CDH4: variants seen among roughly 807,000 people sequenced by gnomAD.
CDH4 encodes the protein cadherin 4.
In CDH4, 33 loss-of-function variants were observed where a neutral mutation model predicts 86.0. The ratio of observed to expected loss-of-function variants is 0.38; its 90% CI spans 0.29 to 0.51. The LOEUF is 0.51. Among genes scored for constraint, CDH4 ranks in the 20% least tolerant of loss-of-function variants. CDH4 has a pLI of 0.86. For missense variants in CDH4, 1,114 were observed against 1,307.4 expected, an observed-to-expected ratio of 0.85 and a Z score of 2.28; for synonymous variants, 555 against 549.4, an observed-to-expected ratio of 1.01 and a Z score of -0.14.
chr20:61,335,210 G>A (rs550359288), intron 2 of CDH4, among the ~76,000 whole-genome samples: 2 of 152,342 alleles, frequency 1.3e-5, no homozygotes, highest in African/African-American at 4.8e-5. Context: ...TGAATGTGCA[G>A]GGGCCAAGCC....
intron 2 of CDH4, among the ~76,000 whole-genome samples, chr20:61,452,656 C>T (rs773879541): frequency 1.5e-4 from 23 of 152,166 alleles, no homozygotes; most frequent in Non-Finnish European, 3.1e-4. Flanking sequence ...TTTCCCACAC[C>T]GTACAGAAGT....
intron 2 of CDH4, among the ~76,000 whole-genome samples, chr20:61,656,122 G>A (rs972094186): frequency 2.0e-4 from 30 of 152,308 alleles, no homozygotes; most frequent in African/African-American, 6.5e-4. Flanking sequence ...GGCTGGAGAC[G>A]AACCACCCAC....
At chr20:61,707,165 G>A (rs1466155562) in intron 2 of CDH4, among the ~76,000 whole-genome samples, 1 of 152,268 alleles carries the variant, frequency 6.6e-6, no homozygotes, top group Non-Finnish European at 1.5e-5. Flanking sequence ...GCATGGCGGG[G>A]ATGCCAGCCC....
At chr20:61,673,518 G>T (rs2087412960) in intron 2 of CDH4, among the ~76,000 whole-genome samples, 1 of 152,224 alleles carries the variant, frequency 6.6e-6, no homozygotes, top group Non-Finnish European at 1.5e-5. Flanking sequence ...CACCTTAGAT[G>T]AAATGTCAGG....
Position 61,890,068 on chromosome 20 carries a change from G to C in CDH4, c.1051-4842G>C, listed in dbSNP as rs535182185. On this transcript the variant is annotated intron_variant, in intron 7 of 15. Transcript: ENST00000614565. ...GATGATGGATGGATAGATGATGGAT[G>C]CATGGGTGGATGGATGGATGGATGG... Among the ~76,000 whole-genome samples, 275 of 145,128 alleles carry C rather than the reference G, an allele frequency of 1.9e-3. 1 individual carries two copies. Among genetic ancestry groups the C allele is most frequent in the Non-Finnish European group, 3.0e-3 (198 of 67,036 alleles).
chr20:61,633,500 G>T (rs2086915391), intron 2 of CDH4, among the ~76,000 whole-genome samples: 1 of 151,922 alleles, frequency 6.6e-6, no homozygotes. Flanking sequence ...CCATGCATCT[G>T]TCTATCCTTC....
chr20:61,574,972 T>C (rs374013929), intron 2 of CDH4, among the ~76,000 whole-genome samples: 2 of 152,140 alleles, frequency 1.3e-5, no homozygotes, highest in East Asian at 3.9e-4. Context: ...GATAAACTCA[T>C]GAAGAGTGCT....
intron 4 of CDH4, among the ~76,000 whole-genome samples, chr20:61,844,234 A>G (rs986098246): frequency 1.3e-4 from 20 of 152,104 alleles, no homozygotes; most frequent in Admixed American, 2.0e-4. Context: ...CCATCATTCA[A>G]TTGTTTTCTA....
intron 2 of CDH4, among the ~76,000 whole-genome samples, chr20:61,705,854 T>A (rs1355856191): frequency 2.6e-5 from 4 of 152,146 alleles, no homozygotes; most frequent in Non-Finnish European, 5.9e-5. Context: ...GTGTCAACAG[T>A]GAAAAATTAC....
At position 61,836,206 on chromosome 20, in the gene CDH4, C is replaced by T. The variant is rs1388821378; in HGVS notation, c.577-8462C>T. On this transcript the variant is annotated intron_variant, in intron 4 of 15. Coordinates refer to ENST00000614565, the MANE Select transcript of CDH4 (RefSeq NM_001794.5). ...TCGGTTGTATTCCCAGGACCACTTA[C>T]CATGGGAGAACAATGACGCCCCCGG... Among the ~76,000 whole-genome samples, 5 of 152,340 alleles carry T rather than the reference C, an allele frequency of 3.3e-5. No homozygotes were observed. In the South Asian group the frequency reaches 8.3e-4, roughly 25 times the overall value.
intron 2 of CDH4, among the ~76,000 whole-genome samples, chr20:61,342,853 G>A (rs1188978627): frequency 6.6e-6 from 1 of 152,238 alleles, no homozygotes; most frequent in Non-Finnish European, 1.5e-5. Context: ...ATAAAAAAAT[G>A]CTCTGTTTTA....
In CDH4 at chr20:61,910,556, C is replaced by T. The variant is rs558420771; in HGVS notation, c.1323C>T (p.Phe441=). 3 of 1,613,974 alleles carry T rather than the reference C, an allele frequency of 1.9e-6. No homozygotes were observed. In the South Asian group the frequency reaches 3.3e-5, roughly 18 times the overall value. Residue 441 remains phenylalanine, a synonymous_variant, in exon 9 of 16, where the codon TTC becomes TTT. Transcript: ENST00000614565. ...TCAGTGGGGATCCATCCGGGCACTT[C>T]AGCGTCCGCACAGACCCCGTAACCA... ...RIISGDPSGH[F]SVRTDPVTNE... is the part of the protein sequence containing the mutation.
rs1383239269 is a variant in CDH4 at position 61,492,075 on chromosome 20, ATTG to A, written c.169+237142_169+237144del. On this transcript the variant is annotated intron_variant, in intron 2 of 15. Transcript: ENST00000614565. ...TGATGTTGCTGATGGTGGTGTCAAT[ATTG>A]TTGATGGTGTTGATGGTGGTGGTGT... Among the ~76,000 whole-genome samples the A allele has an allele frequency of 3.5e-5, 5 of 142,680 alleles. No individual in the cohort carries two copies. In the East Asian group the frequency reaches 1.1e-3, roughly 31 times the overall value. The allele number at this position is 142,680 out of a possible 152,430, so 93.6% of individuals were successfully genotyped here.
At chr20:61,333,293 A>G (rs11086735) in intron 2 of CDH4, among the ~76,000 whole-genome samples, 90,738 of 151,804 alleles carry the variant, frequency 0.6, 27,136 homozygotes, top group Middle Eastern at 0.76. Context: ...ACACATGCAC[A>G]CACACCTGCA....
At chr20:61,819,077 C>A (rs1297732882) in intron 4 of CDH4, among the ~76,000 whole-genome samples, 2 of 152,342 alleles carry the variant, frequency 1.3e-5, no homozygotes, top group Middle Eastern at 3.4e-3. Context: ...GACAGAGGAC[C>A]CTGTCCAGAT....
intron 2 of CDH4, among the ~76,000 whole-genome samples, chr20:61,340,815 G>A (rs1162280675): frequency 6.6e-6 from 1 of 152,106 alleles, no homozygotes; most frequent in African/African-American, 2.4e-5. Flanking sequence ...TTAGCCCACT[G>A]GGTTGATACT....
At chr20:61,910,313 T>C in intron 8 of CDH4, 109 bp from the exon 9 acceptor site, 1 of 918,858 alleles carries the variant, frequency 1.1e-6, no homozygotes, top group Non-Finnish European at 1.7e-6. Context: ...GCTGACACGG[T>C]GTGTTCTGTT....
chr20:61,301,161 C>T (rs1324978395), intron 2 of CDH4, among the ~76,000 whole-genome samples: 6 of 152,234 alleles, frequency 3.9e-5, no homozygotes, highest in Admixed American at 2.0e-4. Context: ...GAGCGAGGCT[C>T]GGTTTAGCAA....
intron 8 of CDH4, 39 bp downstream of exon 8, chr20:61,895,086 G>A (rs766268812): frequency 1.9e-6 from 3 of 1,607,258 alleles, no homozygotes; most frequent in East Asian, 4.5e-5. Flanking sequence ...CATGGCCCGT[G>A]CAGGGCAGGA....
Sources: gnomAD v4.1 joint callset for allele counts (sites outside exome capture counted in the v4.1 genomes callset) on GRCh38, gnomAD v4.1.1 for gene constraint, MANE v1.5 for transcripts, NCBI Gene and HGNC (gene_info 2026-07-23, HGNC 2026-07-21) for gene names.